XKR6: variants seen among roughly 807,000 people sequenced by gnomAD.
XKR6 encodes XK related 6, also known as XK-related protein 6.
Under a neutral mutation model 56.7 loss-of-function variants are expected in XKR6, and 22 were observed. The observed-to-expected ratio is 0.39, with a 90% confidence interval of 0.28 to 0.55. The LOEUF is 0.55. Among genes scored for constraint, XKR6 ranks in the 20% least tolerant of loss-of-function variants. The pLI, the probability that XKR6 is intolerant of heterozygous loss-of-function variation, is 0.66. For missense variants in XKR6, 852 were observed against 889.0 expected (o/e 0.96, Z 0.53); for synonymous variants, 524 against 387.8 (o/e 1.35, Z -4.13).
intron 1 of XKR6, among the ~76,000 whole-genome samples, chr8:11,150,549 T>C (rs1053090249): frequency 2.6e-5 from 4 of 152,168 alleles, no homozygotes; most frequent in African/African-American, 4.8e-5. Flanking sequence ...CTGGACAGAA[T>C]GATCTCTTAA....
At chr8:11,086,149 T>TATATA (rs1554454135) in intron 1 of XKR6, among the ~76,000 whole-genome samples, 12,975 of 100,574 alleles carry the variant, frequency 0.13, 699 homozygotes, top group African/African-American at 0.18. Flanking sequence ...TATATATATA[T>TATATA]TTTTTTTTAA....
chr8:11,045,409 T>A (rs1231428940), intron 1 of XKR6, among the ~76,000 whole-genome samples: 1 of 152,124 alleles, frequency 6.6e-6, no homozygotes, highest in Non-Finnish European at 1.5e-5. Context: ...TTAAAGATAT[T>A]AAATATATCA....
At chr8:11,147,715 A>C (rs1365680981) in intron 1 of XKR6, among the ~76,000 whole-genome samples, 1 of 152,046 alleles carries the variant, frequency 6.6e-6, no homozygotes, top group Non-Finnish European at 1.5e-5. Flanking sequence ...GCTCAACATC[A>C]CAAGCCATTA....
In XKR6 at chr8:11,099,186, T is replaced by C. The variant is rs544213307; in HGVS notation, c.764+101390A>G. Reference sequence around the variant, plus strand: ...GAACCACATCTCCTTTCTTCAGATCTCTTCTCTTAGCTGGGTACAGCAGGA... The same window carrying C: ...GAACCACATCTCCTTTCTTCAGATCCCTTCTCTTAGCTGGGTACAGCAGGA... On this transcript the variant is annotated intron_variant, in intron 1 of 2. Coordinates refer to ENST00000416569, the MANE Select transcript of XKR6 (RefSeq NM_173683.4). 3.9e-5 allele frequency among the ~76,000 whole-genome samples: 6 copies of C among 152,164 alleles called. No individual in the cohort carries two copies. The East Asian group carries it at 1.2e-3, about 29-fold the overall frequency.
chr8:11,173,061 C>T (rs367974543), intron 1 of XKR6, among the ~76,000 whole-genome samples: 9 of 152,116 alleles, frequency 5.9e-5, no homozygotes, highest in Middle Eastern at 3.4e-3. Context: ...TCCGGCCGGG[C>T]GCGGTGGCTC....
At chr8:11,179,580 G>C (rs377409851) in intron 1 of XKR6, among the ~76,000 whole-genome samples, 47 of 152,218 alleles carry the variant, frequency 3.1e-4, no homozygotes, top group African/African-American at 1.1e-3. Context: ...TAGAGTTTCA[G>C]TCCTACCCTT....
intron 1 of XKR6, among the ~76,000 whole-genome samples, chr8:11,044,190 A>G (rs1563100455): frequency 6.6e-6 from 1 of 152,200 alleles, no homozygotes; most frequent in Non-Finnish European, 1.5e-5. Context: ...GAGGGCCTTC[A>G]TGTCCTTGCC....
chr8:11,145,914 G>A (rs1313311035), intron 1 of XKR6, among the ~76,000 whole-genome samples: 3 of 152,094 alleles, frequency 2.0e-5, no homozygotes. Context: ...GAAGAATAAC[G>A]TTTGAGGACT....
chr8:11,175,727 T>C (rs1234510396), intron 1 of XKR6, among the ~76,000 whole-genome samples: 4 of 152,236 alleles, frequency 2.6e-5, no homozygotes, highest in African/African-American at 9.6e-5. Context: ...AGGCAGTATA[T>C]GATTTTTAAA....
chr8:11,034,199 C>A (rs1157328188), intron 1 of XKR6, among the ~76,000 whole-genome samples: 2 of 152,086 alleles, frequency 1.3e-5, no homozygotes, highest in African/African-American at 4.8e-5. Flanking sequence ...GAGAGAGAAG[C>A]TGAGGGAGTT....
intron 1 of XKR6, among the ~76,000 whole-genome samples, chr8:10,976,888 TG>T (rs1200879269): frequency 1.3e-5 from 2 of 152,168 alleles, no homozygotes; most frequent in Admixed American, 6.5e-5. Context: ...CCCAGTGGGC[TG>T]GGGGGCTACA....
chr8:11,094,096 T>TG (rs1798181751), intron 1 of XKR6, among the ~76,000 whole-genome samples: 3 of 145,912 alleles, frequency 2.1e-5, no homozygotes, highest in African/African-American at 5.2e-5. Context: ...TTTTTTTTTT[T>TG]GACAGAGTCT....
chr8:11,033,122 C>T lies in XKR6; in HGVS notation c.765-108292G>A, dbSNP rs528332470. Reference sequence around the variant, plus strand: ...ATGATGAAGAGGATGAAGATTATCACGATGGTAATGATGATGATGGTAATG... The same window carrying T: ...ATGATGAAGAGGATGAAGATTATCATGATGGTAATGATGATGATGGTAATG... On this transcript the variant is annotated intron_variant, in intron 1 of 2. Transcript: ENST00000416569. 8.7e-5 allele frequency among the ~76,000 whole-genome samples: 13 copies of T among 149,668 alleles called. No homozygotes were observed. In the East Asian group the frequency reaches 9.8e-4, roughly 11 times the overall value.
intron 1 of XKR6, among the ~76,000 whole-genome samples, chr8:11,069,087 G>A (rs772775936): frequency 6.6e-6 from 1 of 152,066 alleles, no homozygotes; most frequent in Non-Finnish European, 1.5e-5. Flanking sequence ...CCCATCAGCA[G>A]AGCTGAGACC....
intron 1 of XKR6, among the ~76,000 whole-genome samples, chr8:11,055,602 C>G (rs576095494): frequency 1.3e-5 from 2 of 152,238 alleles, no homozygotes; most frequent in Non-Finnish European, 2.9e-5. Flanking sequence ...CCGCTGCCCC[C>G]AAATCCACGT....
intron 2 of XKR6, among the ~76,000 whole-genome samples, chr8:10,918,584 A>G (rs1186030886): frequency 6.6e-6 from 1 of 152,180 alleles, no homozygotes; most frequent in East Asian, 1.9e-4. Flanking sequence ...GTCCTTGCTT[A>G]TGGGCACAGG....
intron 2 of XKR6, among the ~76,000 whole-genome samples, chr8:10,914,974 C>G (rs977368550): frequency 6.6e-6 from 1 of 152,230 alleles, no homozygotes; most frequent in Non-Finnish European, 1.5e-5. Flanking sequence ...GCCTCCCCTC[C>G]TGCACATCTC....
chr8:11,022,317 G>A (rs1355450685), intron 1 of XKR6, among the ~76,000 whole-genome samples: 10 of 152,016 alleles, frequency 6.6e-5, no homozygotes, highest in African/African-American at 2.4e-4. Flanking sequence ...GTTCCACCTG[G>A]GTGATCATGG....
intron 1 of XKR6, among the ~76,000 whole-genome samples, chr8:11,000,061 C>G (rs1212829659): frequency 6.6e-6 from 1 of 152,152 alleles, no homozygotes; most frequent in Non-Finnish European, 1.5e-5. Flanking sequence ...CTGAAGAACA[C>G]CTAAGCCAAC....
Sources: allele counts gnomAD v4.1 joint callset (sites outside exome capture counted in the v4.1 genomes callset), GRCh38; gene constraint gnomAD v4.1.1; transcripts MANE v1.5; gene names NCBI Gene and HGNC (gene_info 2026-07-23, HGNC 2026-07-21).